SLC4A10: variants seen among roughly 807,000 people sequenced by gnomAD.
SLC4A10 encodes the protein solute carrier family 4 member 10.
SLC4A10 carries 42 observed loss-of-function variants against 137.7 expected under a neutral mutation model. That is an observed-to-expected ratio of 0.30 (90% CI 0.24 to 0.39). The LOEUF (loss-of-function observed/expected upper bound fraction) is 0.39. SLC4A10 is among the 10% of genes least tolerant of loss of function. The probability of loss-of-function intolerance (pLI) is 1.00; values close to 1 mark genes in which losing one functional copy is unlikely to be tolerated. For missense variants in SLC4A10, 925 were observed against 1,355.0 expected (o/e 0.68, Z 4.98); for synonymous variants, 474 against 464.1 (o/e 1.02, Z -0.27).
Position 161,739,737 on chromosome 2 carries a change from G to C in SLC4A10, c.49-31236G>C, listed in dbSNP as rs74606152. Among the ~76,000 whole-genome samples the C allele has an allele frequency of 8.9e-3, 1,354 of 152,276 alleles. 12 individuals carry two copies. Among genetic ancestry groups the C allele is most frequent in the African/African-American group, 0.03 (1,267 of 41,552 alleles). On this transcript the variant is annotated intron_variant, in intron 1 of 26. Coordinates refer to ENST00000446997, the MANE Select transcript of SLC4A10 (RefSeq NM_001178015.2). ...GTGTCTTTTGCTGGCAGACAGAACA[G>C]TTCTTATTGGCATTATGTGCTTGAA...
intron 3 of SLC4A10, among the ~76,000 whole-genome samples, chr2:161,829,875 A>G (rs2058315711): frequency 6.6e-6 from 1 of 152,124 alleles, no homozygotes; most frequent in East Asian, 1.9e-4. Context: ...ATAAGAGCCA[A>G]GCAAAAGGGG....
chr2:161,949,102 G>A, intron 17 of SLC4A10, 46 bp from the exon 18 acceptor site: 1 of 1,243,668 alleles, frequency 8.0e-7, no homozygotes, highest in Non-Finnish European at 1.2e-6. Flanking sequence ...AGTATTCCTT[G>A]ATATTTATAG....
chr2:161,800,780 A>T (rs1357134832), intron 2 of SLC4A10, among the ~76,000 whole-genome samples: 1 of 152,038 alleles, frequency 6.6e-6, no homozygotes, highest in Non-Finnish European at 1.5e-5. Flanking sequence ...CATGAGATTT[A>T]AATCTGAAGG....
chr2:161,909,712 T>C (rs1344865547), intron 15 of SLC4A10, among the ~76,000 whole-genome samples: 3 of 152,254 alleles, frequency 2.0e-5, no homozygotes, highest in African/African-American at 7.2e-5. Flanking sequence ...TTTTTTTTGC[T>C]ATGCATAGAA....
chr2:161,894,996 C>T (rs867102158), intron 11 of SLC4A10, among the ~76,000 whole-genome samples, 171 bp downstream of exon 11: 19 of 151,268 alleles, frequency 1.3e-4, no homozygotes, highest in African/African-American at 4.4e-4. Flanking sequence ...ATGTGCCATG[C>T]TGGTGTGCTG....
chr2:161,963,056 C>T lies in SLC4A10; in HGVS notation c.2863-1079C>T, dbSNP rs78475569. Among the ~76,000 whole-genome samples, 734 of 152,016 alleles carry T rather than the reference C, an allele frequency of 4.8e-3. 32 individuals are homozygous for T. In the East Asian group the frequency reaches 0.098, roughly 20 times the overall value. ...TTGAAACCATTATTTTCTAAATAAT[C>T]GCCTCTAGTTGGAAACACTGAAAAT... On this transcript the variant is annotated intron_variant, in intron 21 of 26. Transcript: ENST00000446997.
chr2:161,944,108 T>G (rs928309747), intron 16 of SLC4A10, among the ~76,000 whole-genome samples: 1 of 151,892 alleles, frequency 6.6e-6, no homozygotes, highest in Non-Finnish European at 1.5e-5. Flanking sequence ...CCACCTATTT[T>G]TCCCTAGAAA....
chr2:161,926,311 C>A (rs1358446400), intron 15 of SLC4A10, among the ~76,000 whole-genome samples: 2 of 143,646 alleles, frequency 1.4e-5, no homozygotes, highest in African/African-American at 5.0e-5. Flanking sequence ...ATGTAATGGC[C>A]TTGTCTCTTT....
intron 1 of SLC4A10, among the ~76,000 whole-genome samples, chr2:161,632,946 C>T (rs1013831272): frequency 3.3e-5 from 5 of 151,430 alleles, no homozygotes; most frequent in African/African-American, 1.2e-4. Flanking sequence ...AAATTAAGTG[C>T]TTATTTACTT....
At chr2:161,659,435 C>T (rs1471961137) in intron 1 of SLC4A10, among the ~76,000 whole-genome samples, 1 of 151,940 alleles carries the variant, frequency 6.6e-6, no homozygotes, top group Non-Finnish European at 1.5e-5. Context: ...TTTATGGGTA[C>T]AGTGTATATT....
At chr2:161,945,251 A>C (rs1693580418) in intron 16 of SLC4A10, among the ~76,000 whole-genome samples, 1 of 138,318 alleles carries the variant, frequency 7.2e-6, no homozygotes, top group South Asian at 2.2e-4. Context: ...AGTATCTCAA[A>C]AATCAGCCTT....
chr2:161,727,874 T>C (rs2046398777), intron 1 of SLC4A10, among the ~76,000 whole-genome samples: 3 of 152,070 alleles, frequency 2.0e-5, no homozygotes, highest in Admixed American at 6.6e-5. Context: ...GGTGTATGAT[T>C]TAAAGAGCTC....
At chr2:161,833,146 C>T (rs2125750589) in intron 3 of SLC4A10, among the ~76,000 whole-genome samples, 1 of 152,294 alleles carries the variant, frequency 6.6e-6, no homozygotes, top group South Asian at 2.1e-4. Flanking sequence ...ATTATTAGAA[C>T]TTTGGCTGAT....
rs374844907 is a variant in SLC4A10, at chr2:161,832,695, A to G, written c.278-7094A>G. Reference sequence around the variant, plus strand: ...TTCATTTGGGCTGTGGGGTGGGGAGAGAGGAACAAGTTTGCATTTTCTTTT... The same window carrying G: ...TTCATTTGGGCTGTGGGGTGGGGAGGGAGGAACAAGTTTGCATTTTCTTTT... On this transcript the variant is annotated intron_variant, in intron 3 of 26. Coordinates refer to ENST00000446997, the MANE Select transcript of SLC4A10 (RefSeq NM_001178015.2). Among the ~76,000 whole-genome samples, 4 of 152,028 alleles carry G rather than the reference A, an allele frequency of 2.6e-5. No homozygotes were observed. In the South Asian group the frequency reaches 8.3e-4, roughly 32 times the overall value.
intron 3 of SLC4A10, among the ~76,000 whole-genome samples, chr2:161,819,192 C>T (rs980088640): frequency 1.1e-4 from 17 of 152,092 alleles, no homozygotes; most frequent in African/African-American, 1.4e-4. Context: ...TTAATATAGA[C>T]GGAAGAGTTT....
chr2:161,951,091 T>C (rs570589928), intron 19 of SLC4A10, among the ~76,000 whole-genome samples: 8 of 152,252 alleles, frequency 5.3e-5, no homozygotes, highest in African/African-American at 1.9e-4. Flanking sequence ...AATAAAAAAC[T>C]GTCAAAGTTT....
chr2:161,789,594 T>C (rs1348683894), intron 2 of SLC4A10, among the ~76,000 whole-genome samples: 2 of 152,190 alleles, frequency 1.3e-5, no homozygotes, highest in East Asian at 3.9e-4. Context: ...ACTATATCAC[T>C]AGGTGACAAG....
intron 15 of SLC4A10, among the ~76,000 whole-genome samples, chr2:161,932,715 T>G (rs954591248): frequency 6.6e-6 from 1 of 152,174 alleles, no homozygotes; most frequent in African/African-American, 2.4e-5. Flanking sequence ...TGGAAAAATG[T>G]AAAGTATAGG....
intron 11 of SLC4A10, among the ~76,000 whole-genome samples, chr2:161,895,390 T>C (rs1156698787): frequency 1.3e-5 from 2 of 152,160 alleles, no homozygotes; most frequent in Non-Finnish European, 2.9e-5. Flanking sequence ...CATGTGTCTT[T>C]ATGGCAGCAT....
Sources: allele counts gnomAD v4.1 joint callset (sites outside exome capture counted in the v4.1 genomes callset), GRCh38; gene constraint gnomAD v4.1.1; transcripts MANE v1.5; gene names NCBI Gene and HGNC (gene_info 2026-07-23, HGNC 2026-07-21).